Variants in PARD3B observed in about 807,000 individuals in gnomAD.
The protein encoded by PARD3B is par-3 family cell polarity regulator beta.
Under a neutral mutation model 130.2 loss-of-function variants are expected in PARD3B, and 103 were observed. The ratio of observed to expected loss-of-function variants is 0.79; its 90% CI spans 0.67 to 0.93. PARD3B has a LOEUF of 0.93. Ranked by LOEUF, PARD3B falls within the 40% of genes least tolerant of loss-of-function variation. The pLI, the probability that PARD3B is intolerant of heterozygous loss-of-function variation, is 0.00. For synonymous variants in PARD3B, 583 were observed against 553.2 expected, an observed-to-expected ratio of 1.05 and a Z score of -0.76; for missense variants, 1,609 against 1,499.2, an observed-to-expected ratio of 1.07 and a Z score of -1.21.
At chr2:204,984,580 A>G (rs937726018) in intron 3 of PARD3B, among the ~76,000 whole-genome samples, 5 of 152,084 alleles carry the variant, frequency 3.3e-5, no homozygotes, top group Non-Finnish European at 7.4e-5. Context: ...AAGGAATGTT[A>G]TTGGATGTGT....
intron 2 of PARD3B, among the ~76,000 whole-genome samples, chr2:204,934,814 G>A (rs1688289144): frequency 6.6e-6 from 1 of 152,122 alleles, no homozygotes; most frequent in Non-Finnish European, 1.5e-5. Flanking sequence ...TGATAATTTA[G>A]GTATACTTAG....
chr2:204,974,346 G>C (rs934010491), intron 3 of PARD3B, among the ~76,000 whole-genome samples: 4 of 152,038 alleles, frequency 2.6e-5, no homozygotes, highest in Non-Finnish European at 5.9e-5. Flanking sequence ...AAAATGGGTA[G>C]GCTTATTACC....
At chr2:205,154,353 TC>T (rs1297507741) in intron 10 of PARD3B, among the ~76,000 whole-genome samples, 1 of 152,122 alleles carries the variant, frequency 6.6e-6, no homozygotes, top group Non-Finnish European at 1.5e-5. Flanking sequence ...TGAGACACCA[TC>T]TCACACCAAT....
At chr2:204,971,082 G>A (rs537869175) in intron 3 of PARD3B, among the ~76,000 whole-genome samples, 1 of 152,228 alleles carries the variant, frequency 6.6e-6, no homozygotes, top group South Asian at 2.1e-4. Flanking sequence ...ATAGATTCCT[G>A]TTGAAAATTG....
rs146356868 is a variant in PARD3B, at chr2:204,570,579, A to C, written c.120+24460A>C. Among the ~76,000 whole-genome samples, 356 of 152,320 alleles carry C rather than the reference A, an allele frequency of 2.3e-3. 1 individual carries two copies. Among genetic ancestry groups the C allele is most frequent in the Non-Finnish European group, 4.0e-3 (271 of 68,020 alleles). Reference sequence around the variant, plus strand: ...TTGCCTGGATAGGAGCTCTATTCCAAAGGTGAGGGAAGGAAGTGATAATGA... The same window carrying C: ...TTGCCTGGATAGGAGCTCTATTCCACAGGTGAGGGAAGGAAGTGATAATGA... On this transcript the variant is annotated intron_variant, in intron 1 of 22. Transcript: ENST00000406610.
Position 204,989,030 on chromosome 2 carries a change from G to C in PARD3B, c.394+23707G>C, listed in dbSNP as rs543198565. 2.4e-4 allele frequency among the ~76,000 whole-genome samples: 37 copies of C among 152,306 alleles called. No individual in the cohort carries two copies. The South Asian group carries it at 7.7e-3, about 32-fold the overall frequency. ...ACCTCCAGCAGTGCACAAGATAGCAGTGGTCTTTGCTGTCACCAAGTGTAC... is the reference window on the plus strand; with the variant it reads ...ACCTCCAGCAGTGCACAAGATAGCACTGGTCTTTGCTGTCACCAAGTGTAC... On this transcript the variant is annotated intron_variant, in intron 3 of 22. Coordinates refer to ENST00000406610, the MANE Select transcript of PARD3B (RefSeq NM_001302769.2).
At chr2:205,396,714 C>T (rs926310128) in intron 18 of PARD3B, among the ~76,000 whole-genome samples, 6 of 152,194 alleles carry the variant, frequency 3.9e-5, no homozygotes, top group Non-Finnish European at 8.8e-5. Context: ...AGGTTGACCT[C>T]TAAGCAATTT....
rs1437570707 is a variant in PARD3B at position 205,461,065 on chromosome 2, G to C, written c.3044+20393G>C. 6.6e-6 allele frequency among the ~76,000 whole-genome samples: 1 copy of C among 152,116 alleles called. No individual in the cohort carries two copies. Among genetic ancestry groups the C allele is most frequent in the Non-Finnish European group, 1.5e-5 (1 of 68,022 alleles). ...ATTTATTGAGTGAGATTTAGACACA[G>C]TCCTTACTTTCATGGAACTTAAGAC... On this transcript the variant is annotated intron_variant, in intron 20 of 22. Transcript: ENST00000406610. This position sits in a 1 kb window ranked among gnomAD's most constrained non-coding sequence, Gnocchi z 4.3.
At chr2:204,927,711 A>G (rs952067994) in intron 2 of PARD3B, among the ~76,000 whole-genome samples, 1 of 152,142 alleles carries the variant, frequency 6.6e-6, no homozygotes, top group African/African-American at 2.4e-5. Context: ...TTTGAAAACG[A>G]GTCATGACTT....
At chr2:204,583,440 A>C (rs1474318711) in intron 1 of PARD3B, among the ~76,000 whole-genome samples, 2 of 111,994 alleles carry the variant, frequency 1.8e-5, no homozygotes, top group African/African-American at 6.8e-5. Context: ...TCACATGGTC[A>C]CAGGAAGGGG....
At chr2:204,953,850 T>C (rs1690014532) in intron 2 of PARD3B, among the ~76,000 whole-genome samples, 1 of 152,216 alleles carries the variant, frequency 6.6e-6, no homozygotes, top group Non-Finnish European at 1.5e-5. Context: ...TATGTGCTTA[T>C]ATTTTAGGTG....
intron 1 of PARD3B, among the ~76,000 whole-genome samples, chr2:204,578,431 G>A (rs964795844): frequency 1.6e-4 from 24 of 152,174 alleles, no homozygotes; most frequent in African/African-American, 3.4e-4. Context: ...TATGGGCATC[G>A]GTGTGGTGAA....
chr2:205,050,522 A>C (rs986993604), intron 4 of PARD3B, among the ~76,000 whole-genome samples: 3 of 152,106 alleles, frequency 2.0e-5, no homozygotes, highest in African/African-American at 7.2e-5. Context: ...AGCTCTTGAA[A>C]TGTGTCTGAT....
intron 1 of PARD3B, among the ~76,000 whole-genome samples, chr2:204,646,430 T>C (rs2035276417): frequency 1.3e-5 from 2 of 152,058 alleles, no homozygotes; most frequent in Admixed American, 6.6e-5. Context: ...TCAGTGTTTG[T>C]GAGATTCATC....
chr2:204,822,057 A>G (rs1328669010), intron 2 of PARD3B, among the ~76,000 whole-genome samples: 16 of 152,220 alleles, frequency 1.1e-4, no homozygotes, highest in Admixed American at 1.0e-3. Context: ...TGGCAATGTA[A>G]ATTGAAACCT....
intron 3 of PARD3B, among the ~76,000 whole-genome samples, chr2:205,019,829 A>G (rs556417104): frequency 2.0e-5 from 3 of 152,316 alleles, no homozygotes; most frequent in Admixed American, 1.3e-4. Flanking sequence ...ATGGAAACAT[A>G]TAAGTCAAAG....
intron 13 of PARD3B, among the ~76,000 whole-genome samples, chr2:205,178,982 G>A (rs922105312): frequency 6.6e-6 from 1 of 152,168 alleles, no homozygotes; most frequent in Non-Finnish European, 1.5e-5. Context: ...TGTTACCATA[G>A]GAAATGACAG....
intron 2 of PARD3B, among the ~76,000 whole-genome samples, chr2:204,848,692 A>G (rs1486439245): frequency 6.6e-6 from 1 of 150,458 alleles, no homozygotes; most frequent in Non-Finnish European, 1.5e-5. Flanking sequence ...TCTATTATTT[A>G]TATATGTATC....
chr2:205,460,543 C>G lies in PARD3B; in HGVS notation c.3044+19871C>G, dbSNP rs2048416935. ...ACATTTAACTTTCTATTGATTACTT[C>G]TCTTGAGGTTATCATCTTTCTCCTA... On this transcript the variant is annotated intron_variant, in intron 20 of 22. Transcript: ENST00000406610. This position sits in a 1 kb window ranked among gnomAD's most constrained non-coding sequence, Gnocchi z 4.9. Among the ~76,000 whole-genome samples, 1 of 152,066 alleles carries G rather than the reference C, an allele frequency of 6.6e-6. No homozygotes were observed. Among genetic ancestry groups the G allele is most frequent in the Non-Finnish European group, 1.5e-5 (1 of 68,024 alleles).
Sources: gnomAD v4.1 joint callset for allele counts (sites outside exome capture counted in the v4.1 genomes callset) on GRCh38, gnomAD v4.1.1 for gene constraint, Gnocchi (gnomAD v3.1) non-coding constraint, MANE v1.5 for transcripts, NCBI Gene and HGNC (gene_info 2026-07-23, HGNC 2026-07-21) for gene names.